RNF220: variants seen among roughly 807,000 people sequenced by gnomAD.
RNF220 encodes the protein E3 ubiquitin-protein ligase RNF220.
In RNF220, 7 loss-of-function variants were observed where a neutral mutation model predicts 67.1. The observed-to-expected ratio is 0.10, with a 90% confidence interval of 0.06 to 0.20. The LOEUF is 0.20. Among genes scored for constraint, RNF220 ranks in the 10% least tolerant of loss-of-function variants. The probability of loss-of-function intolerance (pLI) is 1.00; values close to 1 mark genes in which losing one functional copy is unlikely to be tolerated. For synonymous variants in RNF220, 270 were observed against 283.2 expected (o/e 0.95, Z 0.47); for missense variants, 565 against 740.3 (o/e 0.76, Z 2.75).
At chr1:44,414,690 A>G (rs142838388) in intron 2 of RNF220, among the ~76,000 whole-genome samples, 3 of 152,286 alleles carry the variant, frequency 2.0e-5, no homozygotes, top group African/African-American at 7.2e-5. Context: ...CCAAAGTGAA[A>G]TGGAATTCTG....
rs1644749101 is a variant in RNF220, at chr1:44,650,026, C to T, written c.1629+69C>T. 9.3e-6 allele frequency: 14 copies of T among 1,499,580 alleles called. No individual in the cohort carries two copies. Among genetic ancestry groups the T allele is most frequent in the Non-Finnish European group, 1.1e-5 (12 of 1,091,424 alleles). The allele number at this position is 1,499,580 out of a possible 1,614,324, so 92.9% of individuals were successfully genotyped here. On this transcript the variant is annotated intron_variant, in intron 14 of 14. Transcript: ENST00000361799. This position sits in a 1 kb window ranked among gnomAD's most constrained non-coding sequence, Gnocchi z 4.3. ...ACTGCCCAGATGTCTGTGCTTATGC[C>T]TGAGCCTGCCTGGGGGAAGTGGGGA...
At chr1:44,465,369 A>G (rs1171590489) in intron 2 of RNF220, among the ~76,000 whole-genome samples, 1 of 150,818 alleles carries the variant, frequency 6.6e-6, no homozygotes, top group Non-Finnish European at 1.5e-5. Flanking sequence ...ATGGCCATAA[A>G]TATATTAAAT....
At chr1:44,540,583 T>TA (rs1202109887) in intron 2 of RNF220, among the ~76,000 whole-genome samples, 3 of 152,212 alleles carry the variant, frequency 2.0e-5, no homozygotes, top group African/African-American at 7.2e-5. Context: ...ATGGGGAAGT[T>TA]ATTTATGGCT....
intron 2 of RNF220, among the ~76,000 whole-genome samples, chr1:44,462,089 G>T (rs1653832315): frequency 6.6e-6 from 1 of 151,320 alleles, no homozygotes; most frequent in Non-Finnish European, 1.5e-5. Context: ...CACTATGCCC[G>T]GCTAATTTTT....
chr1:44,493,959 C>T (rs756395609), intron 2 of RNF220, among the ~76,000 whole-genome samples: 86 of 152,248 alleles, frequency 5.6e-4, no homozygotes, highest in Non-Finnish European at 8.4e-4. Flanking sequence ...GTAATCCCAG[C>T]ATTTTAGGAG....
intron 5 of RNF220, among the ~76,000 whole-genome samples, chr1:44,628,212 G>T (rs1644013865): frequency 1.3e-5 from 2 of 152,254 alleles, no homozygotes; most frequent in South Asian, 4.1e-4. Flanking sequence ...CCTCTGTACT[G>T]CACTCACGGC....
At chr1:44,589,597 G>C (rs1665969495) in intron 2 of RNF220, among the ~76,000 whole-genome samples, 1 of 136,884 alleles carries the variant, frequency 7.3e-6, no homozygotes, top group African/African-American at 2.7e-5. Context: ...CTGGGTGACA[G>C]AGCGAGACTG....
At position 44,631,869 on chromosome 1, in the gene RNF220, A is replaced by G. The variant is rs1573120797; in HGVS notation, c.907-474A>G. 2.8e-5 allele frequency: 27 copies of G among 977,840 alleles called. No homozygotes were observed. The South Asian group carries it at 1.2e-3, about 45-fold the overall frequency. The allele number at this position is 977,840 out of a possible 1,614,324, so 60.6% of individuals were successfully genotyped here. The stretch of plus-strand genomic sequence containing the variant: ...CCCGGGGAGGCTTCTGCCGGTTGCT[A>G]CCCGAGTACAAACGGCAGCTTCCTG... On this transcript the variant is annotated intron_variant, in intron 5 of 14. Coordinates refer to ENST00000361799, the MANE Select transcript of RNF220 (RefSeq NM_018150.4).
At chr1:44,555,144 T>G (rs1662966446) in intron 2 of RNF220, among the ~76,000 whole-genome samples, 1 of 151,426 alleles carries the variant, frequency 6.6e-6, no homozygotes, top group African/African-American at 2.4e-5. Flanking sequence ...CACAGCTCAC[T>G]GCAGCCTCCA....
chr1:44,488,183 T>G (rs1408430174), intron 2 of RNF220, among the ~76,000 whole-genome samples: 1 of 151,442 alleles, frequency 6.6e-6, no homozygotes, highest in Non-Finnish European at 1.5e-5. Flanking sequence ...TTGCCCAAGT[T>G]GGAGTTCAGT....
At chr1:44,568,398 G>A (rs568583157) in intron 2 of RNF220, among the ~76,000 whole-genome samples, 5 of 152,296 alleles carry the variant, frequency 3.3e-5, no homozygotes, top group East Asian at 1.9e-4. Context: ...TTTCCCACCT[G>A]TGACCTTGAG....
chr1:44,497,791 C>CTGCGAGCACCTACTATAG (rs1657477325), intron 2 of RNF220, among the ~76,000 whole-genome samples: 3 of 152,054 alleles, frequency 2.0e-5, no homozygotes, highest in Admixed American at 1.3e-4. Context: ...ACCTACTATA[C>CTGCGAGCACCTACTATAG]TGCTGCAAGC....
At chr1:44,623,667 A>C (rs1326052280) in intron 4 of RNF220, among the ~76,000 whole-genome samples, 1 of 152,220 alleles carries the variant, frequency 6.6e-6, no homozygotes, top group Non-Finnish European at 1.5e-5. Context: ...GGAATCAGTG[A>C]AGGAGAGTGT....
intron 8 of RNF220, among the ~76,000 whole-genome samples, chr1:44,639,245 T>C (rs1244336762): frequency 1.3e-5 from 2 of 152,292 alleles, no homozygotes; most frequent in East Asian, 3.9e-4. Context: ...AGCCATGCCT[T>C]TCCTCTCCTG....
chr1:44,609,562 G>A (rs1667515188), intron 2 of RNF220, among the ~76,000 whole-genome samples: 1 of 152,180 alleles, frequency 6.6e-6, no homozygotes, highest in Non-Finnish European at 1.5e-5. Context: ...GAAGATGGCA[G>A]GGAAGGGGCA....
At chr1:44,516,840 C>G (rs893396023) in intron 2 of RNF220, among the ~76,000 whole-genome samples, 3 of 152,128 alleles carry the variant, frequency 2.0e-5, no homozygotes, top group Non-Finnish European at 2.9e-5. Context: ...CTAACCCTAC[C>G]TCAGACCTCT....
At chr1:44,563,014 A>T (rs1253218819) in intron 2 of RNF220, among the ~76,000 whole-genome samples, 1 of 152,242 alleles carries the variant, frequency 6.6e-6, no homozygotes, top group Non-Finnish European at 1.5e-5. Flanking sequence ...ACTACCCTGT[A>T]ACCAAAAAAC....
chr1:44,507,396 T>C (rs1188988880), intron 2 of RNF220, among the ~76,000 whole-genome samples: 1 of 151,810 alleles, frequency 6.6e-6, no homozygotes, highest in African/African-American at 2.4e-5. Flanking sequence ...AACTCATCAA[T>C]AGCGGAAATT....
chr1:44,631,822 C>A (rs1644133445), intron 5 of RNF220: 1 of 813,918 alleles, frequency 1.2e-6, no homozygotes. Flanking sequence ...GGTGGGTAGG[C>A]TTCACGGGCG....
Sources: gnomAD v4.1 joint callset for allele counts (sites outside exome capture counted in the v4.1 genomes callset) on GRCh38, gnomAD v4.1.1 for gene constraint, Gnocchi (gnomAD v3.1) non-coding constraint, MANE v1.5 for transcripts, NCBI Gene and HGNC (gene_info 2026-07-23, HGNC 2026-07-21) for gene names.